PDE4D: variants seen among roughly 807,000 people sequenced by gnomAD.
PDE4D encodes 3',5'-cyclic-AMP phosphodiesterase 4D.
In PDE4D, 24 loss-of-function variants were observed where a neutral mutation model predicts 87.4. That is an observed-to-expected ratio of 0.27 (90% CI 0.20 to 0.39). The LOEUF (loss-of-function observed/expected upper bound fraction) is 0.39. Ranked by LOEUF, PDE4D falls within the 10% of genes least tolerant of loss-of-function variation. The pLI is 1.00. For missense variants in PDE4D, 714 were observed against 1,041.0 expected (o/e 0.69, Z 4.32); for synonymous variants, 384 against 383.2 (o/e 1.00, Z -0.02).
At chr5:59,465,464 C>T (rs1332695033) in intron 1 of PDE4D, among the ~76,000 whole-genome samples, 2 of 152,068 alleles carry the variant, frequency 1.3e-5, no homozygotes, top group Non-Finnish European at 2.9e-5. Context: ...TTACACATAC[C>T]CTCCCTGTTA....
At chr5:59,248,061 A>G (rs1759230574) in intron 1 of PDE4D, among the ~76,000 whole-genome samples, 1 of 149,726 alleles carries the variant, frequency 6.7e-6, no homozygotes, top group African/African-American at 2.5e-5. Flanking sequence ...AAAAAAAAAA[A>G]AAAAAAAAAG....
At chr5:59,261,541 T>C (rs1762010749) in intron 1 of PDE4D, among the ~76,000 whole-genome samples, 2 of 151,872 alleles carry the variant, frequency 1.3e-5, no homozygotes, top group Admixed American at 1.3e-4. Flanking sequence ...CCGAAGATTA[T>C]CTGTAAAGAC....
chr5:60,443,610 G>A (rs1163159154), intron 1 of PDE4D, among the ~76,000 whole-genome samples: 1 of 152,150 alleles, frequency 6.6e-6, no homozygotes, highest in Non-Finnish European at 1.5e-5. Context: ...TTTGCCCAGA[G>A]TAAGACAGTG....
intron 1 of PDE4D, among the ~76,000 whole-genome samples, chr5:59,442,118 G>A (rs1012449811): frequency 1.3e-5 from 2 of 152,192 alleles, no homozygotes; most frequent in African/African-American, 4.8e-5. Flanking sequence ...AGTGGGAAAT[G>A]CAAATGATAA....
chr5:59,055,090 A>G (rs892416195), intron 5 of PDE4D, among the ~76,000 whole-genome samples: 2 of 152,358 alleles, frequency 1.3e-5, no homozygotes, highest in Admixed American at 1.3e-4. Flanking sequence ...TATAGGAGAC[A>G]GATAGACCAT....
rs77066288 is a variant in PDE4D at position 60,059,321 on chromosome 5, T to G, written c.43-70604A>C. On this transcript the variant is annotated intron_variant, in intron 2 of 16. Transcript: ENST00000502484. ...TTCTCAGAATGACCATGTAACCTTT[T>G]AATTACCTGTATTACATAATATCTT... Among the ~76,000 whole-genome samples the G allele has an allele frequency of 7.2e-3, 1,101 of 152,098 alleles. 10 individuals are homozygous for G. The highest frequency in any genetic ancestry group is 0.025 in the African/African-American group (1,049 of 41,530).
Position 59,927,515 on chromosome 5 carries a change from T to A in PDE4D, c.272+60973A>T, listed in dbSNP as rs146954591. On this transcript the variant is annotated intron_variant, in intron 3 of 16. Transcript: ENST00000502484. The stretch of plus-strand genomic sequence containing the variant: ...AATTCTCATACTTTAAGAAGACACA[T>A]GTGAATAAGAACATCAACAAAGTGT... Among the ~76,000 whole-genome samples the A allele has an allele frequency of 1.4e-3, 207 of 152,344 alleles. 2 individuals are homozygous for A. The highest frequency in any genetic ancestry group is 2.7e-3 in the South Asian group (13 of 4,828).
chr5:59,556,577 G>T (rs1818956528), intron 1 of PDE4D, among the ~76,000 whole-genome samples: 1 of 152,132 alleles, frequency 6.6e-6, no homozygotes, highest in Non-Finnish European at 1.5e-5. Flanking sequence ...GGTTCTGTAC[G>T]AGGAAAACTT....
intron 2 of PDE4D, among the ~76,000 whole-genome samples, chr5:60,130,512 T>C (rs1779472300): frequency 6.6e-6 from 1 of 152,172 alleles, no homozygotes; most frequent in African/African-American, 2.4e-5. Context: ...GCTATGTCTA[T>C]AAACAGAGAC....
At chr5:60,030,418 CCGCAG>C (rs1473890665) in intron 2 of PDE4D, among the ~76,000 whole-genome samples, 1 of 152,118 alleles carries the variant, frequency 6.6e-6, no homozygotes, top group African/African-American at 2.4e-5. Context: ...CCACTGCAGT[CCGCAG>C]TCCGGCCTGG....
intron 1 of PDE4D, among the ~76,000 whole-genome samples, chr5:59,680,819 A>G (rs769623971): frequency 1.3e-5 from 2 of 152,102 alleles, no homozygotes; most frequent in Non-Finnish European, 2.9e-5. Flanking sequence ...TTCTCACCGT[A>G]ACTTCTCACA....
At chr5:60,096,933 G>T (rs1775735580) in intron 2 of PDE4D, among the ~76,000 whole-genome samples, 1 of 152,030 alleles carries the variant, frequency 6.6e-6, no homozygotes, top group South Asian at 2.1e-4. Context: ...AACAGTTAAT[G>T]CCTCAGAAAA....
At chr5:59,356,937 G>A (rs1781475144) in intron 1 of PDE4D, 1 of 1,403,254 alleles carries the variant, frequency 7.1e-7, no homozygotes, top group Admixed American at 3.5e-5. Context: ...CGGAGCAGGA[G>A]GCACTTGTAG....
intron 2 of PDE4D, among the ~76,000 whole-genome samples, chr5:60,030,013 G>A (rs1767059735): frequency 6.6e-6 from 1 of 152,178 alleles, no homozygotes; most frequent in Admixed American, 6.5e-5. Context: ...GACCATAAAT[G>A]CAAGTTACAG....
At chr5:59,128,831 G>C (rs1056511899) in intron 5 of PDE4D, among the ~76,000 whole-genome samples, 1 of 152,170 alleles carries the variant, frequency 6.6e-6, no homozygotes, top group African/African-American at 2.4e-5. Flanking sequence ...ATTCCATCTA[G>C]AACTATTTAG....
chr5:59,396,732 C>T (rs200664017), intron 1 of PDE4D, among the ~76,000 whole-genome samples: 4,153 of 81,074 alleles, frequency 0.051, 101 homozygotes, highest in East Asian at 0.083. Context: ...ACACATAACA[C>T]TATTAACTTT....
intron 3 of PDE4D, among the ~76,000 whole-genome samples, chr5:59,952,250 G>A (rs962314724): frequency 7.2e-5 from 11 of 152,090 alleles, no homozygotes; most frequent in Non-Finnish European, 1.2e-4. Context: ...GTGGAACTGT[G>A]TCAATTAACC....
chr5:59,892,082 G>T (rs773220729), intron 1 of PDE4D, among the ~76,000 whole-genome samples: 8 of 152,122 alleles, frequency 5.3e-5, no homozygotes, highest in African/African-American at 1.9e-4. Flanking sequence ...GTGCCTGTGT[G>T]GGGGAGGGGA....
intron 6 of PDE4D, among the ~76,000 whole-genome samples, chr5:59,009,084 C>G (rs901557011): frequency 6.6e-6 from 1 of 152,018 alleles, no homozygotes; most frequent in African/African-American, 2.4e-5. Context: ...AAAATGCTGG[C>G]CTGGATGCAG....
Sources: gnomAD v4.1 joint callset for allele counts (sites outside exome capture counted in the v4.1 genomes callset) on GRCh38, gnomAD v4.1.1 for gene constraint, MANE v1.5 for transcripts, NCBI Gene and HGNC (gene_info 2026-07-23, HGNC 2026-07-21) for gene names.